The following ARMC2 variants were observed in gnomAD, a reference collection of about 807,000 sequenced individuals.
The protein encoded by ARMC2 is armadillo repeat-containing protein 2.
A neutral mutation model predicts 90.3 loss-of-function variants in ARMC2; 67 were observed. That is an observed-to-expected ratio of 0.74 (90% CI 0.61 to 0.91). The LOEUF (loss-of-function observed/expected upper bound fraction) is 0.91, where lower values mean the gene tolerates loss of function less well. Ranked by LOEUF, ARMC2 falls within the 40% of genes least tolerant of loss-of-function variation. ARMC2 has a pLI of 0.00. For synonymous variants in ARMC2, 393 were observed against 393.0 expected (o/e 1.00, Z 0.00); for missense variants, 920 against 1,030.9 (o/e 0.89, Z 1.47).
chr6:108,853,756 T>G (rs963450791), intron 1 of ARMC2, among the ~76,000 whole-genome samples: 1 of 152,190 alleles, frequency 6.6e-6, no homozygotes, highest in Non-Finnish European at 1.5e-5. Flanking sequence ...TGGACAAATG[T>G]GGGGCTGAAC....
At chr6:109,042,306 G>A in the ARMC2 span, among the ~76,000 whole-genome samples, 1 of 151,564 alleles carries the variant, frequency 6.6e-6, no homozygotes, top group Non-Finnish European at 1.5e-5. Flanking sequence ...AGGGAAAGAA[G>A]AGCAGTATAA....
At chr6:108,981,807 C>T in the ARMC2 span, among the ~76,000 whole-genome samples, 1 of 152,032 alleles carries the variant, frequency 6.6e-6, no homozygotes, top group Non-Finnish European at 1.5e-5. Context: ...GCTGGGATTA[C>T]AGGCATGCAC....
At chr6:108,995,092 A>G in the ARMC2 span, among the ~76,000 whole-genome samples, 1 of 152,226 alleles carries the variant, frequency 6.6e-6, no homozygotes, top group African/African-American at 2.4e-5. Context: ...GCCTATTAGG[A>G]ATACAGACAT....
the ARMC2 span, chr6:108,998,439 G>A: frequency 6.4e-7 from 1 of 1,564,348 alleles, no homozygotes; most frequent in Non-Finnish European, 8.7e-7. Context: ...TTTCTAAGAA[G>A]CCAACTGAAG....
At chr6:108,979,855 GTTC>G in the ARMC2 span, among the ~76,000 whole-genome samples, 1 of 151,706 alleles carries the variant, frequency 6.6e-6, no homozygotes, top group African/African-American at 2.4e-5. Context: ...GGTCGTTCAT[GTTC>G]TTCTATAAAC....
intron 3 of ARMC2, among the ~76,000 whole-genome samples, chr6:108,867,635 C>T (rs899391703): frequency 1.3e-5 from 2 of 152,078 alleles, no homozygotes; most frequent in African/African-American, 4.8e-5. Context: ...GCCAAGTGTG[C>T]TGGTGCATGC....
chr6:108,978,160 A>G (rs1384708826), downstream of ARMC2, among the ~76,000 whole-genome samples: 1 of 152,100 alleles, frequency 6.6e-6, no homozygotes, highest in East Asian at 1.9e-4. Context: ...TCCTCTACAC[A>G]CTGCTTTAAA....
chr6:109,004,612 AGTAGAG>A, the ARMC2 span, among the ~76,000 whole-genome samples: 3,578 of 152,114 alleles, frequency 0.024, 148 homozygotes, highest in African/African-American at 0.082. Flanking sequence ...TTGTATTTTT[AGTAGAG>A]ACAGGGTTTC....
intron 7 of ARMC2, 31 bp downstream of exon 7, chr6:108,899,823 T>A: frequency 6.5e-7 from 1 of 1,529,118 alleles, no homozygotes; most frequent in Non-Finnish European, 8.9e-7. Flanking sequence ...CAAAAAACCG[T>A]TTTTGTTTTT....
chr6:109,032,607 G>C, the ARMC2 span, among the ~76,000 whole-genome samples: 1 of 146,114 alleles, frequency 6.8e-6, no homozygotes, highest in Non-Finnish European at 1.5e-5. Flanking sequence ...GACAGAGCAA[G>C]ACTTCATCTC....
chr6:108,939,128 TAA>T (rs1041830875), intron 12 of ARMC2, among the ~76,000 whole-genome samples: 1 of 152,216 alleles, frequency 6.6e-6, no homozygotes, highest in Non-Finnish European at 1.5e-5. Flanking sequence ...CTAAAAATCC[TAA>T]AGTTTAAATT....
At chr6:108,996,627 A>G in the ARMC2 span, among the ~76,000 whole-genome samples, 1 of 152,138 alleles carries the variant, frequency 6.6e-6, no homozygotes, top group East Asian at 1.9e-4. Context: ...GATCTGCTAA[A>G]GTTGGGATTA....
In ARMC2 at chr6:108,854,428, A is replaced by G. The variant is rs1344876726; in HGVS notation, c.161A>G (p.Lys54Arg). ...TTTACACCACAGGAGGCTCAAAGAA[A>G]ACTATTCGGACCTGCATCCTCAAGA... ...RPFTPQEAQR[K>R]LFGPASSRTS... The change falls in exon 2 of 18, where the codon AAA becomes AGA. Residue 54 changes from lysine to arginine, a missense_variant. Physicochemically the swap from Lys to Arg is conservative, Grantham distance 26. Transcript: ENST00000392644. The G allele has an allele frequency of 6.2e-7, 1 of 1,613,504 alleles. No homozygotes were observed. Among genetic ancestry groups the G allele is most frequent in the Non-Finnish European group, 8.5e-7 (1 of 1,179,832 alleles).
At chr6:109,033,858 G>A in the ARMC2 span, among the ~76,000 whole-genome samples, 2 of 152,198 alleles carry the variant, frequency 1.3e-5, no homozygotes, top group African/African-American at 2.4e-5. Flanking sequence ...TTCCAGCCAT[G>A]TTTCTGTTAG....
At chr6:109,010,974 G>T in the ARMC2 span, among the ~76,000 whole-genome samples, 1 of 152,232 alleles carries the variant, frequency 6.6e-6, no homozygotes, top group African/African-American at 2.4e-5. Flanking sequence ...TGATGTATGG[G>T]ATTGTGAGCT....
At chr6:108,868,105 A>G (rs1776011122) in intron 3 of ARMC2, among the ~76,000 whole-genome samples, 1 of 152,186 alleles carries the variant, frequency 6.6e-6, no homozygotes. Context: ...CTTACATTCC[A>G]CATAATTCTT....
intron 10 of ARMC2, among the ~76,000 whole-genome samples, chr6:108,926,921 C>A (rs1242791200): frequency 2.2e-5 from 3 of 138,088 alleles, no homozygotes; most frequent in African/African-American, 5.6e-5. Context: ...TTATTTGAAG[C>A]TTTTTTTTTT....
Position 108,874,212 on chromosome 6 carries a change from A to C in ARMC2, c.464-1931A>C, listed in dbSNP as rs568547649. ...CCCCAGGGCAGCTCTTCGTTGTAGTAATACCTGACAAGCTTACTCCAGTAG... is the reference window on the plus strand; with the variant it reads ...CCCCAGGGCAGCTCTTCGTTGTAGTCATACCTGACAAGCTTACTCCAGTAG... On this transcript the variant is annotated intron_variant, in intron 4 of 17. Transcript: ENST00000392644. Among the ~76,000 whole-genome samples, 24 of 152,318 alleles carry C rather than the reference A, an allele frequency of 1.6e-4. No individual in the cohort carries two copies. The South Asian group carries it at 4.8e-3, about 30-fold the overall frequency.
intron 4 of ARMC2, among the ~76,000 whole-genome samples, chr6:108,874,656 G>T (rs944383975): frequency 6.6e-6 from 1 of 152,088 alleles, no homozygotes; most frequent in African/African-American, 2.4e-5. Flanking sequence ...TCCCCAAGAG[G>T]TGGGGACCAT....
Sources: allele counts gnomAD v4.1 joint callset (sites outside exome capture counted in the v4.1 genomes callset), GRCh38; gene constraint gnomAD v4.1.1; transcripts MANE v1.5; gene names NCBI Gene and HGNC (gene_info 2026-07-23, HGNC 2026-07-21).